GPAM: variants seen among roughly 807,000 people sequenced by gnomAD.
GPAM encodes glycerol-3-phosphate acyltransferase 1, mitochondrial.
Under a neutral mutation model 105.0 loss-of-function variants are expected in GPAM, and 56 were observed. The ratio of observed to expected loss-of-function variants is 0.53; its 90% confidence interval spans 0.43 to 0.67. The LOEUF (loss-of-function observed/expected upper bound fraction) is 0.67. Ranked by LOEUF, GPAM falls within the 30% of genes least tolerant of loss-of-function variation. GPAM has a pLI of 0.00. For missense variants in GPAM, 855 were observed against 989.8 expected, an observed-to-expected ratio of 0.86 and a Z score of 1.83; for synonymous variants, 368 against 354.4, an observed-to-expected ratio of 1.04 and a Z score of -0.43.
At chr10:112,199,008 C>T (rs1453472998) in intron 1 of GPAM, among the ~76,000 whole-genome samples, 1 of 151,722 alleles carries the variant, frequency 6.6e-6, no homozygotes, top group Non-Finnish European at 1.5e-5. Context: ...CTGCATCCTC[C>T]GCCTCCTGGG....
At chr10:112,226,512 C>A in the GPAM span, among the ~76,000 whole-genome samples, 2 of 152,018 alleles carry the variant, frequency 1.3e-5, no homozygotes, top group Non-Finnish European at 2.9e-5. Flanking sequence ...GACCCAACAC[C>A]AGGCCATGGG....
chr10:112,159,286 T>A (rs906464862), intron 17 of GPAM, among the ~76,000 whole-genome samples: 2 of 134,178 alleles, frequency 1.5e-5, no homozygotes, highest in East Asian at 5.1e-4. Flanking sequence ...AGTGGCGCAA[T>A]CTCAGCTCAC....
intron 18 of GPAM, 76 bp from the exon 19 acceptor site, chr10:112,157,465 G>A: frequency 7.4e-7 from 1 of 1,354,094 alleles, no homozygotes; most frequent in Non-Finnish European, 1.0e-6. Flanking sequence ...GCCAGGACAA[G>A]GCAGTCCTCT....
rs150350914 is a variant in GPAM, at chr10:112,176,834, T to C, written c.300-1121A>G. On this transcript the variant is annotated intron_variant, in intron 5 of 21. Transcript: ENST00000348367. ...TAAAAATGTTTTAGGCTTTGCTTCA[T>C]AGAATACACAGAAGAAGTAAATAGC... is the stretch of plus-strand genomic sequence containing the variant. Among the ~76,000 whole-genome samples, 6 of 152,364 alleles carry C rather than the reference T, an allele frequency of 3.9e-5. No homozygotes were observed. In the East Asian group the frequency reaches 1.2e-3, roughly 29 times the overall value.
At chr10:112,155,831 G>T (rs755956555) in intron 20 of GPAM, 33 bp downstream of exon 20, 243 of 998,930 alleles carry the variant, frequency 2.4e-4, no homozygotes, top group Non-Finnish European at 3.1e-4. Context: ...AAAAAAAAAA[G>T]ATTTTAAAAG....
At chr10:112,201,017 G>T (rs1847791094) in intron 1 of GPAM, among the ~76,000 whole-genome samples, 1 of 152,216 alleles carries the variant, frequency 6.6e-6, no homozygotes, top group South Asian at 2.1e-4. Flanking sequence ...GTCTTATGTT[G>T]CTGGACATTT....
At chr10:112,175,476 A>C in intron 6 of GPAM, 124 bp downstream of exon 6, 1 of 713,294 alleles carries the variant, frequency 1.4e-6, no homozygotes, top group Admixed American at 1.9e-5. Flanking sequence ...TAATGTTTGG[A>C]AATGTGAACA....
At chr10:112,223,141 T>C in the GPAM span, among the ~76,000 whole-genome samples, 1 of 152,184 alleles carries the variant, frequency 6.6e-6, no homozygotes, top group Non-Finnish European at 1.5e-5. Flanking sequence ...TCTGACCTAA[T>C]CCTTCCTTTG....
intron 1 of GPAM, among the ~76,000 whole-genome samples, chr10:112,198,792 A>G (rs1452421791): frequency 6.6e-6 from 1 of 152,224 alleles, no homozygotes; most frequent in Non-Finnish European, 1.5e-5. Context: ...TTGATGGAAG[A>G]GTGGGTAAAG....
At chr10:112,155,670 GA>G in intron 20 of GPAM, 193 bp downstream of exon 20, 1 of 505,378 alleles carries the variant, frequency 2.0e-6, no homozygotes, top group Non-Finnish European at 3.5e-6. Context: ...AACGTTACGT[GA>G]AAAAAGCCAG....
chr10:112,168,812 C>A, intron 10 of GPAM, 41 bp downstream of exon 10: 2 of 1,254,062 alleles, frequency 1.6e-6, no homozygotes, highest in Non-Finnish European at 1.2e-6. Context: ...ACTGTGATAA[C>A]CAACACAATG....
intron 13 of GPAM, 140 bp downstream of exon 13, chr10:112,164,385 C>A (rs1564676437): frequency 1.5e-6 from 1 of 661,956 alleles, no homozygotes; most frequent in South Asian, 1.7e-5. Context: ...ATCTCAATAT[C>A]CCTTATTGGA....
intron 1 of GPAM, among the ~76,000 whole-genome samples, chr10:112,208,517 G>C (rs1355839586): frequency 1.3e-5 from 2 of 152,302 alleles, no homozygotes; most frequent in Non-Finnish European, 2.9e-5. Context: ...AGCCAGCTAA[G>C]TGTCTTGGGG....
intron 9 of GPAM, 145 bp downstream of exon 9, chr10:112,172,037 A>C: frequency 1.5e-6 from 1 of 647,468 alleles, no homozygotes; most frequent in Non-Finnish European, 2.7e-6. Flanking sequence ...CAAATTTTAC[A>C]CAATAACTAT....
chr10:112,175,554 G>C (rs529969505), intron 6 of GPAM, 46 bp downstream of exon 6: 1 of 952,460 alleles, frequency 1.0e-6, no homozygotes, highest in South Asian at 1.3e-5. Flanking sequence ...CACTCCTACC[G>C]CCCATCCCTG....
chr10:112,173,051 C>A lies in GPAM; in HGVS notation c.576G>T (p.Val192=), dbSNP rs1197856355. The stretch of plus-strand genomic sequence containing the variant: ...AGAAGCTGTTGAACAGTTTTAGCAG[C>A]ACCCACCCAGTCAGTCTGAAACAAA... ...SPAMIRLTGW[V]LLKLFNSFFW... is the part of the protein sequence containing the mutation. Residue 192 remains valine, a synonymous_variant, in exon 8 of 22, where the codon GTG becomes GTT. Coordinates refer to ENST00000348367, the MANE Select transcript of GPAM (RefSeq NM_001244949.2). 2.5e-6 allele frequency: 4 copies of A among 1,598,232 alleles called. No homozygotes were observed. In the South Asian group the frequency reaches 4.4e-5, roughly 18 times the overall value.
intron 1 of GPAM, among the ~76,000 whole-genome samples, chr10:112,211,429 GT>G (rs1266071989): frequency 2.6e-5 from 4 of 152,156 alleles, no homozygotes; most frequent in Non-Finnish European, 5.9e-5. Context: ...AGAGGTGCAG[GT>G]CCATGGCCAG....
Position 112,154,869 on chromosome 10 carries a change from C to T in GPAM, c.2312-182G>A, listed in dbSNP as rs1347510259. On this transcript the variant is annotated intron_variant, in intron 20 of 21. Coordinates refer to ENST00000348367, the MANE Select transcript of GPAM (RefSeq NM_001244949.2). ...GTTCTCAGATGACTTGCTGTTAAACCTACTTTGCTTACACCTACTTTGTCC... is the reference window on the plus strand; with the variant it reads ...GTTCTCAGATGACTTGCTGTTAAACTTACTTTGCTTACACCTACTTTGTCC... 4 of 663,806 alleles carry T rather than the reference C, an allele frequency of 6.0e-6. No homozygotes were observed. In the East Asian group the frequency reaches 8.1e-5, roughly 14 times the overall value. The allele number at this position is 663,806 out of a possible 1,614,324, so 41.1% of individuals were successfully genotyped here. A position where few individuals can be genotyped will look rare whatever the true frequency, so the allele number is the denominator to read the frequency against.
chr10:112,163,277 C>T lies in GPAM; in HGVS notation c.1423+424G>A, dbSNP rs973052341. 5.3e-5 allele frequency among the ~76,000 whole-genome samples: 8 copies of T among 152,152 alleles called. No individual in the cohort carries two copies. In the South Asian group the frequency reaches 6.2e-4, roughly 12 times the overall value. ...TTAATTATTCATTTTGTATTCTCCACGGCTAAGGCAAAGCTTTATACAAGG... is the reference window on the plus strand; with the variant it reads ...TTAATTATTCATTTTGTATTCTCCATGGCTAAGGCAAAGCTTTATACAAGG... On this transcript the variant is annotated intron_variant, in intron 14 of 21. Coordinates refer to ENST00000348367, the MANE Select transcript of GPAM (RefSeq NM_001244949.2).
Sources: gnomAD v4.1 joint callset for allele counts (sites outside exome capture counted in the v4.1 genomes callset) on GRCh38, gnomAD v4.1.1 for gene constraint, MANE v1.5 for transcripts, NCBI Gene and HGNC (gene_info 2026-07-23, HGNC 2026-07-21) for gene names.